The following POLN variants were observed in gnomAD, a reference collection of about 807,000 sequenced individuals.
The protein encoded by POLN is DNA polymerase N.
Under a neutral mutation model 113.5 loss-of-function variants are expected in POLN, and 108 were observed. That is an observed-to-expected ratio of 0.95 (90% CI 0.81 to 1.12). The LOEUF (loss-of-function observed/expected upper bound fraction) is 1.12, where lower values mean the gene tolerates loss of function less well. Among genes scored for constraint, POLN ranks in the 50% most tolerant of loss-of-function variants. POLN has a pLI of 0.00. For missense variants in POLN, 1,097 were observed against 1,077.1 expected (o/e 1.02, Z -0.26); for synonymous variants, 386 against 391.5 (o/e 0.99, Z 0.17).
chr4:2,190,722 A>G (rs1297066180), intron 7 of POLN, among the ~76,000 whole-genome samples: 1 of 152,250 alleles, frequency 6.6e-6, no homozygotes, highest in Non-Finnish European at 1.5e-5. Flanking sequence ...ATTTGAATAG[A>G]CATTTCTGAA....
Position 2,072,113 on chromosome 4 carries a change from G to T in POLN, c.*1C>A. The T allele has an allele frequency of 6.2e-7, 1 of 1,612,660 alleles. No individual in the cohort carries two copies. The highest frequency in any genetic ancestry group is 1.3e-5 in the African/African-American group (1 of 75,002). On this transcript the variant is annotated 3_prime_UTR_variant, in exon 26 of 26. Transcript: ENST00000511885. ...TTCTCTCCTCCCACTGTTGCCTGGG[G>T]CTACAGACAAAATGAAGGCGAAAAA... is the stretch of plus-strand genomic sequence containing the variant.
At chr4:2,104,009 T>C (rs1208784694) in intron 19 of POLN, among the ~76,000 whole-genome samples, 1 of 152,122 alleles carries the variant, frequency 6.6e-6, no homozygotes. Context: ...ACATTCACCA[T>C]CATGGAAACA....
In POLN at chr4:2,208,453, C is replaced by T; in HGVS notation, c.248G>A (p.Gly83Asp). ...GGACTGAGGAGACAGCTTGGCAGAA[C>T]CTCTTGATGTCTGACTTCTTAAAGA... is the stretch of plus-strand genomic sequence containing the variant. ...LKSLRSQTSR[G>D]SAKLSPQSFS... is the part of the protein sequence containing the mutation. Residue 83 changes from glycine to aspartate, a missense_variant, in exon 5 of 26, where the codon GGT becomes GAT. Coordinates refer to ENST00000511885, the MANE Select transcript of POLN (RefSeq NM_181808.4). 2.6e-6 allele frequency: 4 copies of T among 1,566,648 alleles called. No homozygotes were observed. Among genetic ancestry groups the T allele is most frequent in the Non-Finnish European group, 3.4e-6 (4 of 1,163,596 alleles).
chr4:2,191,128 G>C (rs1733429454), intron 7 of POLN, among the ~76,000 whole-genome samples: 1 of 152,090 alleles, frequency 6.6e-6, no homozygotes, highest in South Asian at 2.1e-4. Flanking sequence ...TCCATCAACA[G>C]ATAAATAAAG....
rs1355061594 is a variant in POLN at position 2,093,965 on chromosome 4, C to T, written c.2065+1886G>A. The stretch of plus-strand genomic sequence containing the variant: ...TGAGGTACTCATGTTTGAGCTGGGG[C>T]ATGAGACCATGAACAGGCGAGTGGG... On this transcript the variant is annotated intron_variant, in intron 20 of 25. Transcript: ENST00000511885. This position sits in a 1 kb window ranked among gnomAD's most constrained non-coding sequence, Gnocchi z 4.1. 2.0e-5 allele frequency among the ~76,000 whole-genome samples: 3 copies of T among 152,248 alleles called. No individual in the cohort carries two copies. Among genetic ancestry groups the T allele is most frequent in the South Asian group, 2.1e-4 (1 of 4,810 alleles).
intron 19 of POLN, among the ~76,000 whole-genome samples, chr4:2,111,469 A>G (rs1577698956): frequency 6.6e-6 from 1 of 152,226 alleles, no homozygotes; most frequent in African/African-American, 2.4e-5. Context: ...TGCAGATGAC[A>G]TGATTGTATA....
chr4:2,168,879 C>T (rs548574037), intron 13 of POLN, among the ~76,000 whole-genome samples: 1 of 152,342 alleles, frequency 6.6e-6, no homozygotes, highest in African/African-American at 2.4e-5. Context: ...AAACTGAAGT[C>T]TTTGATCTGC....
chr4:2,142,265 T>C (rs1732021364), intron 16 of POLN, among the ~76,000 whole-genome samples: 1 of 152,238 alleles, frequency 6.6e-6, no homozygotes, highest in South Asian at 2.1e-4. Flanking sequence ...CTGATTCCTT[T>C]ATTCTCAGCT....
intron 6 of POLN, among the ~76,000 whole-genome samples, chr4:2,194,212 T>C (rs886966480): frequency 2.0e-5 from 3 of 152,176 alleles, no homozygotes; most frequent in African/African-American, 7.2e-5. Flanking sequence ...TCTGAGACCA[T>C]ATCTTCCTGC....
rs147357419 is a variant in POLN, at chr4:2,238,650, T to C, written c.-13+2870A>G. On this transcript the variant is annotated intron_variant, in intron 2 of 25. Coordinates refer to ENST00000511885, the MANE Select transcript of POLN (RefSeq NM_181808.4). ...GTATCAATGGTATTCCTTGGATTTA[T>C]CTGTTGAGAAACTGATGGATCTGTT... 153 of 1,611,572 alleles carry C rather than the reference T, an allele frequency of 9.5e-5. 2 individuals carry two copies. The African/African-American group carries it at 1.4e-3, about 14-fold the overall frequency.
At chr4:2,085,556 C>G (rs916894596) in intron 21 of POLN, 57 bp downstream of exon 21, 3 of 1,602,376 alleles carry the variant, frequency 1.9e-6, no homozygotes, top group Non-Finnish European at 2.6e-6. Flanking sequence ...AGCTGTCCCC[C>G]CATCCTCCCA....
chr4:2,128,085 G>A, intron 19 of POLN, 28 bp downstream of exon 19: 1 of 1,395,826 alleles, frequency 7.2e-7, no homozygotes. Flanking sequence ...CTGCAGATCT[G>A]ATAATATTGT....
intron 6 of POLN, among the ~76,000 whole-genome samples, chr4:2,194,551 G>C (rs898276772): frequency 4.6e-5 from 7 of 152,154 alleles, no homozygotes; most frequent in African/African-American, 1.7e-4. Flanking sequence ...AGGGAGTAAA[G>C]AGCTTATGAA....
At chr4:2,076,645 G>C (rs1046474412) in intron 23 of POLN, 1 of 152,348 alleles carries the variant, frequency 6.6e-6, no homozygotes, top group Non-Finnish European at 1.5e-5. Context: ...GCCCGTCCTT[G>C]GCTGGCACAG....
rs771300828 is a variant in POLN, at chr4:2,156,755, C to A, written c.1731+33G>T. On this transcript the variant is annotated intron_variant, in intron 16 of 25. Coordinates refer to ENST00000511885, the MANE Select transcript of POLN (RefSeq NM_181808.4). ...CTTCAATAGCAAGGCAGGAAAATGG[C>A]GTTTAACAAAGACAGTTGTTTAAAC... The A allele has an allele frequency of 6.4e-6, 10 of 1,565,244 alleles. No individual in the cohort carries two copies. The East Asian group carries it at 2.2e-4, about 35-fold the overall frequency.
chr4:2,079,269 A>T (rs1295692249), intron 23 of POLN: 1 of 357,500 alleles, frequency 2.8e-6, no homozygotes, highest in Non-Finnish European at 3.9e-6. Flanking sequence ...TCTTAGAGGC[A>T]GGACCACCAT....
chr4:2,122,765 A>T (rs953212727), intron 19 of POLN, among the ~76,000 whole-genome samples: 2 of 152,200 alleles, frequency 1.3e-5, no homozygotes, highest in Non-Finnish European at 2.9e-5. Context: ...TTTTACCACA[A>T]TGAAAAAAAG....
In POLN at chr4:2,222,448, A is replaced by T. The variant is rs1734282229; in HGVS notation, c.133+6651T>A. Among the ~76,000 whole-genome samples, 2 of 152,158 alleles carry T rather than the reference A, an allele frequency of 1.3e-5. 1 individual carries two copies. The highest frequency in any genetic ancestry group is 4.1e-4 in the South Asian group (2 of 4,828). ...ACCTGTAGTCTCAGCTACTCAGAAG[A>T]ATCACCTGAGGTCCGGAGGCGGAGG... On this transcript the variant is annotated intron_variant, in intron 3 of 25. Coordinates refer to ENST00000511885, the MANE Select transcript of POLN (RefSeq NM_181808.4).
chr4:2,107,345 A>C (rs1344217205), intron 19 of POLN, among the ~76,000 whole-genome samples: 4 of 152,234 alleles, frequency 2.6e-5, no homozygotes, highest in Non-Finnish European at 5.9e-5. Flanking sequence ...CATCAACTAG[A>C]GTAACCATAC....
Sources: allele counts gnomAD v4.1 joint callset (sites outside exome capture counted in the v4.1 genomes callset), GRCh38; gene constraint gnomAD v4.1.1; non-coding constraint Gnocchi (gnomAD v3.1); transcripts MANE v1.5; gene names NCBI Gene and HGNC (gene_info 2026-07-23, HGNC 2026-07-21).